The following ZNF585B variants were observed in gnomAD, a reference collection of about 807,000 sequenced individuals.
ZNF585B encodes the protein zinc finger protein 41-like protein.
ZNF585B carries 7 observed loss-of-function variants against 14.0 expected under a neutral mutation model. The ratio of observed to expected loss-of-function variants is 0.50; its 90% CI spans 0.28 to 0.94. The LOEUF (loss-of-function observed/expected upper bound fraction) is 0.94, where lower values mean the gene tolerates loss of function less well. Ranked by LOEUF, ZNF585B falls within the 40% of genes least tolerant of loss-of-function variation. The pLI, the probability that ZNF585B is intolerant of heterozygous loss-of-function variation, is 0.09. For synonymous variants in ZNF585B, 290 were observed against 317.3 expected, an observed-to-expected ratio of 0.91 and a Z score of 0.91; for missense variants, 750 against 924.4, an observed-to-expected ratio of 0.81 and a Z score of 2.45.
At chr19:37,202,231 G>A (rs1972538109) in intron 2 of ZNF585B, among the ~76,000 whole-genome samples, 1 of 152,084 alleles carries the variant, frequency 6.6e-6, no homozygotes, top group African/African-American at 2.4e-5. Flanking sequence ...TCAAACTCCC[G>A]ACCTCAGGTG....
rs1043066354 is a variant in ZNF585B at position 37,182,680 on chromosome 19, A to T, written c.*2547T>A. 6.6e-6 allele frequency: 1 copy of T among 152,190 alleles called. No individual in the cohort carries two copies. Among genetic ancestry groups the T allele is most frequent in the Non-Finnish European group, 1.5e-5 (1 of 68,074 alleles). 9.4% of individuals were successfully genotyped at this position (152,190 alleles called of 1,614,324 possible). On this transcript the variant is annotated 3_prime_UTR_variant, in exon 5 of 5. Coordinates refer to ENST00000532828, the MANE Select transcript of ZNF585B (RefSeq NM_152279.4). ...ACTGCCCAACTAGGGCTTGGGAATT[A>T]AAGGGGCATTGTGGCCCTGCTTCTT... is the stretch of plus-strand genomic sequence containing the variant.
intron 2 of ZNF585B, among the ~76,000 whole-genome samples, chr19:37,191,685 ATTTG>A (rs1415426599): frequency 6.6e-6 from 1 of 151,782 alleles, no homozygotes; most frequent in Non-Finnish European, 1.5e-5. Flanking sequence ...AATTCCAGCT[ATTTG>A]TTCTGTTCTA....
At chr19:37,204,891 C>T (rs964567059) in intron 2 of ZNF585B, among the ~76,000 whole-genome samples, 62 of 152,026 alleles carry the variant, frequency 4.1e-4, no homozygotes, top group African/African-American at 1.3e-3. Context: ...GGATTACAGG[C>T]GTACGCCACC....
intron 2 of ZNF585B, chr19:37,190,354 T>G: frequency 1.8e-6 from 1 of 543,384 alleles, no homozygotes; most frequent in South Asian, 2.5e-5. Flanking sequence ...CAAGTGATTC[T>G]CCTGCCTCAG....
intron 2 of ZNF585B, among the ~76,000 whole-genome samples, chr19:37,202,033 T>C (rs1972535930): frequency 6.6e-6 from 1 of 152,210 alleles, no homozygotes; most frequent in Admixed American, 6.5e-5. Context: ...TTTTTTTTCT[T>C]TTTTGAGACA....
At chr19:37,198,947 T>G (rs1198879024) in intron 2 of ZNF585B, 3 of 1,489,276 alleles carry the variant, frequency 2.0e-6, no homozygotes, top group Non-Finnish European at 1.8e-6. Flanking sequence ...ACCTTGTTGA[T>G]TTCTTCATTT....
rs1055487184 is a variant in ZNF585B, at chr19:37,183,386, T to C, written c.*1841A>G. On this transcript the variant is annotated 3_prime_UTR_variant, in exon 5 of 5. Coordinates refer to ENST00000532828, the MANE Select transcript of ZNF585B (RefSeq NM_152279.4). ...CAAGCATGGGTCAACTCTCCACAGG[T>C]GCATTTATGGAATGCCTGCTGTATG... The C allele has an allele frequency of 1.3e-5, 2 of 152,064 alleles. No individual in the cohort carries two copies. Among genetic ancestry groups the C allele is most frequent in the Admixed American group, 1.3e-4 (2 of 15,258 alleles). 9.4% of individuals were successfully genotyped at this position (152,064 alleles called of 1,614,324 possible).
At chr19:37,203,839 G>A (rs1172230254) in intron 2 of ZNF585B, among the ~76,000 whole-genome samples, 1 of 152,072 alleles carries the variant, frequency 6.6e-6, no homozygotes, top group Non-Finnish European at 1.5e-5. Context: ...TGTTGGTCAG[G>A]CCAGTCTCAA....
chr19:37,200,738 T>C (rs554798564), intron 2 of ZNF585B, among the ~76,000 whole-genome samples: 1 of 151,880 alleles, frequency 6.6e-6, no homozygotes, highest in African/African-American at 2.4e-5. Context: ...TCTTAAACGA[T>C]AGATATAAAG....
chr19:37,197,790 G>A (rs577820198), intron 2 of ZNF585B, among the ~76,000 whole-genome samples: 20 of 152,104 alleles, frequency 1.3e-4, no homozygotes, highest in Non-Finnish European at 5.9e-5. Context: ...CTTTTGAGAA[G>A]TATCTGTTTG....
chr19:37,199,088 T>C (rs1316021987), intron 2 of ZNF585B: 2 of 1,250,834 alleles, frequency 1.6e-6, no homozygotes, highest in Non-Finnish European at 2.2e-6. Context: ...ATTTTTCTCT[T>C]TATCATACAC....
chr19:37,186,871 A>G lies in ZNF585B; in HGVS notation c.666T>C (p.Gly222=), dbSNP rs906320289. The change falls in exon 5 of 5, where the codon GGT becomes GGC. Residue 222 remains glycine (G), a synonymous_variant. Transcript: ENST00000532828. ...TACTGAGATCTGAGTTATAAGGGAA[A>G]CCTTTCCCACATTCACTACATTCAT... ...KLYECSECGK[G]FPYNSDLSIH... is the part of the protein sequence containing the mutation. The G allele has an allele frequency of 1.2e-6, 2 of 1,613,588 alleles. No individual in the cohort carries two copies. The highest frequency in any genetic ancestry group is 1.3e-5 in the African/African-American group (1 of 74,832).
At chr19:37,203,625 T>C (rs1972557065) in intron 2 of ZNF585B, among the ~76,000 whole-genome samples, 1 of 152,184 alleles carries the variant, frequency 6.6e-6, no homozygotes, top group Non-Finnish European at 1.5e-5. Flanking sequence ...AGCCTTTCTG[T>C]TTTGTTTTGT....
In ZNF585B at chr19:37,207,144, G is replaced by A. The variant is rs1215492861; in HGVS notation, c.-33C>T. ...CTGGATCTCAACCCTTTTTGTCTAG[G>A]GTGCCTGAAGTTTAGTGGTCATCTG... On this transcript the variant is annotated 5_prime_UTR_variant, in exon 2 of 5. Coordinates refer to ENST00000532828, the MANE Select transcript of ZNF585B (RefSeq NM_152279.4). The A allele has an allele frequency of 6.2e-7, 1 of 1,613,296 alleles. No homozygotes were observed. The highest frequency in any genetic ancestry group is 1.3e-5 in the African/African-American group (1 of 74,896).
Position 37,182,370 on chromosome 19 carries a change from G to A in ZNF585B, c.*2857C>T, listed in dbSNP as rs1030258425. ...CAGACCTTGTTCTAGGGTATGTTAG[G>A]AAGGAAGAGGTGATCTCCAGGCACC... On this transcript the variant is annotated 3_prime_UTR_variant, in exon 5 of 5. Coordinates refer to ENST00000532828, the MANE Select transcript of ZNF585B (RefSeq NM_152279.4). The A allele has an allele frequency of 6.6e-6, 1 of 152,262 alleles. No homozygotes were observed. Among genetic ancestry groups the A allele is most frequent in the African/African-American group, 2.4e-5 (1 of 41,454 alleles). The allele number at this position is 152,262 out of a possible 1,614,324, so 9.4% of individuals were successfully genotyped here.
chr19:37,199,629 A>G, intron 2 of ZNF585B: 1 of 286,768 alleles, frequency 3.5e-6, no homozygotes, highest in South Asian at 2.8e-5. Context: ...AAAGGATAAA[A>G]CAAAAATAGA....
chr19:37,201,551 A>G (rs1159646594), intron 2 of ZNF585B, among the ~76,000 whole-genome samples: 1 of 152,224 alleles, frequency 6.6e-6, no homozygotes, highest in Non-Finnish European at 1.5e-5. Flanking sequence ...TCCTGTTTAC[A>G]CAGTGCCGGT....
rs1160013340 is a variant in ZNF585B, at chr19:37,185,655, G to C, written c.1882C>G (p.His628Asp). ...KSQLLVHQPVHTGEKPYVCAE... is the reference protein window; with the variant it reads ...KSQLLVHQPVDTGEKPYVCAE... ...CACACATAGGGTTTCTCTCCTGTGT[G>C]AACTGGCTGATGCACCAGGAGCTGA... The change falls in exon 5 of 5, where the codon CAC becomes GAC. Residue 628 changes from histidine (H) to aspartate (D), a missense_variant. Coordinates refer to ENST00000532828, the MANE Select transcript of ZNF585B (RefSeq NM_152279.4). 6.2e-7 allele frequency: 1 copy of C among 1,613,726 alleles called. No homozygotes were observed. Among genetic ancestry groups the C allele is most frequent in the Non-Finnish European group, 8.5e-7 (1 of 1,179,862 alleles).
At chr19:37,202,697 C>T (rs1269334255) in intron 2 of ZNF585B, among the ~76,000 whole-genome samples, 2 of 142,700 alleles carry the variant, frequency 1.4e-5, no homozygotes, top group East Asian at 4.3e-4. Context: ...GGCTGGAGTA[C>T]AATGACGCAA....
Sources: allele counts gnomAD v4.1 joint callset (sites outside exome capture counted in the v4.1 genomes callset), GRCh38; gene constraint gnomAD v4.1.1; transcripts MANE v1.5; gene names NCBI Gene and HGNC (gene_info 2026-07-23, HGNC 2026-07-21).